Variants in MRPS15 observed in about 807,000 individuals in gnomAD.
MRPS15 encodes small ribosomal subunit protein uS15m.
A neutral mutation model predicts 30.7 loss-of-function variants in MRPS15; 25 were observed. The observed-to-expected ratio is 0.81, with a 90% CI of 0.59 to 1.14. The LOEUF (loss-of-function observed/expected upper bound fraction) is 1.14, where lower values mean the gene tolerates loss of function less well. Among genes scored for constraint, MRPS15 ranks in the 50% most tolerant of loss-of-function variants. The pLI is 0.00. For synonymous variants in MRPS15, 124 were observed against 120.1 expected (o/e 1.03, Z -0.21); for missense variants, 313 against 321.7 (o/e 0.97, Z 0.21).
At chr1:36,455,981 T>G in intron 7 of MRPS15, 56 bp from the exon 8 acceptor site, 1 of 1,588,084 alleles carries the variant, frequency 6.3e-7, no homozygotes, top group Non-Finnish European at 8.5e-7. Flanking sequence ...AACCTCAGAC[T>G]TGGAACAAGT....
At chr1:36,460,331 C>A (rs16823046) in intron 5 of MRPS15, among the ~76,000 whole-genome samples, 4 of 152,128 alleles carry the variant, frequency 2.6e-5, no homozygotes, top group African/African-American at 9.7e-5. Flanking sequence ...TATCACACAT[C>A]GTGAGCTTTA....
In MRPS15 at chr1:36,463,805, C is replaced by T. The variant is rs138232336; in HGVS notation, c.175+1G>A. ...CCAAGTCCCACCTTAGGAACTCCTA[C>T]CTGGTTTCCGGACGACATATCCGCG... On this transcript the variant is annotated splice_donor_variant, in intron 2 of 7. Coordinates refer to ENST00000373116, the MANE Select transcript of MRPS15 (RefSeq NM_031280.4). LOFTEE classifies it high-confidence loss of function. The T allele has an allele frequency of 8.1e-6, 13 of 1,612,432 alleles. No individual in the cohort carries two copies. Among genetic ancestry groups the T allele is most frequent in the African/African-American group, 2.7e-5 (2 of 74,856 alleles).
At chr1:36,456,496 A>G in intron 6 of MRPS15, 118 bp from the exon 7 acceptor site, 1 of 959,450 alleles carries the variant, frequency 1.0e-6, no homozygotes, top group Non-Finnish European at 1.5e-6. Context: ...GCAAATATTA[A>G]TGCAATTCTG....
intron 6 of MRPS15, among the ~76,000 whole-genome samples, chr1:36,457,565 C>A (rs974520533): frequency 6.6e-5 from 10 of 152,182 alleles, no homozygotes; most frequent in African/African-American, 2.4e-4. Context: ...TGATCTCCAT[C>A]TTATTGAAAA....
chr1:36,458,119 A>G lies in MRPS15; in HGVS notation c.386-138T>C. ...TCTCTATAAATCCCAAATCACTCTG[A>G]ATTTCAAGATTTCAAAGGCTTATCT... On this transcript the variant is annotated intron_variant, in intron 5 of 7. Transcript: ENST00000373116. The surrounding 1 kb of genome is among the most constrained non-coding windows in gnomAD (Gnocchi z 4.5). 7.3e-6 allele frequency: 5 copies of G among 687,982 alleles called. No homozygotes were observed. In the South Asian group the frequency reaches 8.2e-5, roughly 11 times the overall value. 42.6% of individuals were successfully genotyped at this position (687,982 alleles called of 1,614,324 possible). A position where few individuals can be genotyped will look rare whatever the true frequency, so the allele number is the denominator to read the frequency against.
At chr1:36,456,061 C>T (rs1321788356) in intron 7 of MRPS15, 126 bp downstream of exon 7, 3 of 1,480,796 alleles carry the variant, frequency 2.0e-6, no homozygotes, top group South Asian at 1.4e-5. Flanking sequence ...CTGTGACCTC[C>T]CTGGATCCAT....
At chr1:36,460,053 C>T (rs1057085072) in intron 5 of MRPS15, among the ~76,000 whole-genome samples, 6 of 152,190 alleles carry the variant, frequency 3.9e-5, no homozygotes, top group South Asian at 2.1e-4. Context: ...CTCTGTTGCC[C>T]AGGCGAGAGT....
intron 6 of MRPS15, among the ~76,000 whole-genome samples, chr1:36,457,549 T>A (rs998163630): frequency 1.3e-5 from 2 of 152,204 alleles, no homozygotes; most frequent in African/African-American, 4.8e-5. Context: ...TGAGCAAGTA[T>A]TTGTATGATC....
chr1:36,457,939 A>G lies in MRPS15; in HGVS notation c.428T>C (p.Leu143Ser). 6.2e-7 allele frequency: 1 copy of G among 1,614,194 alleles called. No homozygotes were observed. Among genetic ancestry groups the G allele is most frequent in the Non-Finnish European group, 8.5e-7 (1 of 1,180,012 alleles). Residue 143 changes from leucine (L) to serine (S), a missense_variant, in exon 6 of 8, where the codon TTG (leucine) becomes TCG (serine). Physicochemically the swap from Leu to Ser is moderately radical, Grantham distance 145. Coordinates refer to ENST00000373116, the MANE Select transcript of MRPS15 (RefSeq NM_031280.4). ...SVKIRSYEEHLEKHRKDKAHK... is the reference protein window; with the variant it reads ...SVKIRSYEEHSEKHRKDKAHK... ...AGAGTTTACCTTTCGATGTTTCTCC[A>G]AGTGTTCTTCATAACTGCGGATCTT...
At chr1:36,463,286 A>G (rs901609192) in intron 2 of MRPS15, among the ~76,000 whole-genome samples, 1 of 152,226 alleles carries the variant, frequency 6.6e-6, no homozygotes, top group Non-Finnish European at 1.5e-5. Flanking sequence ...AAATTCTAAT[A>G]TATACTATCA....
At chr1:36,463,783 A>T (rs2124085771) in intron 2 of MRPS15, 23 bp downstream of exon 2, 1 of 1,607,852 alleles carries the variant, frequency 6.2e-7, no homozygotes, top group Non-Finnish European at 8.5e-7. Context: ...TTCCGCCCCA[A>T]GTCCCACCTT....
chr1:36,459,528 G>A (rs1279927097), intron 5 of MRPS15: 13 of 152,210 alleles, frequency 8.5e-5, no homozygotes, highest in African/African-American at 3.1e-4. Flanking sequence ...AGAAACAGGT[G>A]AGGAAAGATA....
At chr1:36,461,063 G>A (rs1650089278) in intron 4 of MRPS15, among the ~76,000 whole-genome samples, 1 of 152,234 alleles carries the variant, frequency 6.6e-6, no homozygotes, top group Non-Finnish European at 1.5e-5. Context: ...CTGTTTGTCA[G>A]GTGCTAGGGG....
Position 36,457,974 on chromosome 1 carries a change from G to T in MRPS15, c.393C>A (p.Ala131=). Residue 131 remains alanine, a synonymous_variant, in exon 6 of 8, where the codon GCC becomes GCA. Coordinates refer to ENST00000373116, the MANE Select transcript of MRPS15 (RefSeq NM_031280.4). ...CATAACTGCGGATCTTGACAGACAAGGCAATAACTGAAACCACAAACCACA... is the reference window on the plus strand; with the variant it reads ...CATAACTGCGGATCTTGACAGACAATGCAATAACTGAAACCACAAACCACA... ...DTRSLEARII[A]LSVKIRSYEE... 6.2e-7 allele frequency: 1 copy of T among 1,614,208 alleles called. No homozygotes were observed. The highest frequency in any genetic ancestry group is 8.5e-7 in the Non-Finnish European group (1 of 1,180,032).
chr1:36,464,131 T>G lies in MRPS15; in HGVS notation c.130+15A>C. 6.2e-7 allele frequency: 1 copy of G among 1,609,864 alleles called. No individual in the cohort carries two copies. On this transcript the variant is annotated intron_variant, in intron 1 of 7. Coordinates refer to ENST00000373116, the MANE Select transcript of MRPS15 (RefSeq NM_031280.4). Reference sequence around the variant, plus strand: ...TGTTTCCCTACGCCCGCCGTCCCATTTCTCAGCTCCTCACTTCGAGGCTGC... The same window carrying G: ...TGTTTCCCTACGCCCGCCGTCCCATGTCTCAGCTCCTCACTTCGAGGCTGC...
rs1338136933 is a variant in MRPS15 at position 36,456,336 on chromosome 1, T to C, written c.487A>G (p.Arg163Gly). The C allele has an allele frequency of 5.0e-6, 8 of 1,614,040 alleles. No homozygotes were observed. Among genetic ancestry groups the C allele is most frequent in the Admixed American group, 1.7e-5 (1 of 59,970 alleles). The change falls in exon 7 of 8, where the codon AGG becomes GGG. Residue 163 changes from arginine to glycine, a missense_variant. By Grantham distance (125) the Arg-to-Gly change is moderately radical. Coordinates refer to ENST00000373116, the MANE Select transcript of MRPS15 (RefSeq NM_031280.4). ...CGGAGGTTTTTGAGCATCTTTTTCC[T>C]CTGGTCAATGCTCATTAGCAGATAG... ...KRYLLMSIDQ[R>G]KKMLKNLRNT...
Position 36,464,185 on chromosome 1 carries a change from C to G in MRPS15, c.91G>C (p.Ala31Pro). 6.2e-7 allele frequency: 1 copy of G among 1,613,858 alleles called. No homozygotes were observed. The highest frequency in any genetic ancestry group is 1.3e-5 in the African/African-American group (1 of 75,004). ...CCCCACTGGTTGAAAGGAAACTTGGCGCTCCCACCGCCCGGCAGCCCGGGT... is the reference window on the plus strand; with the variant it reads ...CCCCACTGGTTGAAAGGAAACTTGGGGCTCCCACCGCCCGGCAGCCCGGGT... Reference protein sequence around the residue: ...LVPGLPGGGSAKFPFNQWGLQ... With the variant: ...LVPGLPGGGSPKFPFNQWGLQ... Residue 31 changes from alanine (A) to proline (P), a missense_variant, in exon 1 of 8, where the codon GCC (alanine) becomes CCC (proline). Coordinates refer to ENST00000373116, the MANE Select transcript of MRPS15 (RefSeq NM_031280.4).
chr1:36,464,238 C>G lies in MRPS15; in HGVS notation c.38G>C (p.Arg13Pro). Residue 13 changes from arginine (R) to proline (P), a missense_variant, in exon 1 of 8, where the codon CGG (arginine) becomes CCG (proline). Coordinates refer to ENST00000373116, the MANE Select transcript of MRPS15 (RefSeq NM_031280.4). ...RVAWRTLSLIRTRAVTQVLVP... is the reference protein window; with the variant it reads ...RVAWRTLSLIPTRAVTQVLVP... ...TAGGACCTGGGTAACTGCCCGGGTC[C>G]GAATCAAACTCAGCGTCCTCCACGC... 2 of 1,614,008 alleles carry G rather than the reference C, an allele frequency of 1.2e-6. No individual in the cohort carries two copies. Among genetic ancestry groups the G allele is most frequent in the South Asian group, 1.1e-5 (1 of 91,052 alleles).
chr1:36,460,315 T>C (rs1433691512), intron 5 of MRPS15, among the ~76,000 whole-genome samples: 2 of 152,164 alleles, frequency 1.3e-5, no homozygotes, highest in South Asian at 4.1e-4. Context: ...CTAGTCTTAC[T>C]ATTATTATCA....
Sources: gnomAD v4.1 joint callset for allele counts (sites outside exome capture counted in the v4.1 genomes callset) on GRCh38, gnomAD v4.1.1 for gene constraint, Gnocchi (gnomAD v3.1) non-coding constraint, MANE v1.5 for transcripts, NCBI Gene and HGNC (gene_info 2026-07-23, HGNC 2026-07-21) for gene names.